The following SLC6A5 variants were observed in gnomAD, a reference collection of about 807,000 sequenced individuals.
SLC6A5 encodes solute carrier family 6 member 5.
SLC6A5 carries 58 observed loss-of-function variants against 90.5 expected under a neutral mutation model. The observed-to-expected ratio is 0.64, with a 90% CI of 0.52 to 0.80. The LOEUF is 0.80. Among genes scored for constraint, SLC6A5 ranks in the 30% least tolerant of loss-of-function variants. The pLI is 0.00. For synonymous variants in SLC6A5, 427 were observed against 401.4 expected, an observed-to-expected ratio of 1.06 and a Z score of -0.76; for missense variants, 1,015 against 1,017.6, an observed-to-expected ratio of 1.00 and a Z score of 0.03.
rs1234424368 is a variant in SLC6A5 at position 20,655,996 on chromosome 11, T to C, written c.*1128T>C. 1 of 152,228 alleles carries C rather than the reference T, an allele frequency of 6.6e-6. No individual in the cohort carries two copies. The highest frequency in any genetic ancestry group is 1.5e-5 in the Non-Finnish European group (1 of 68,034). 9.4% of individuals were successfully genotyped at this position (152,228 alleles called of 1,614,324 possible). On this transcript the variant is annotated 3_prime_UTR_variant, in exon 16 of 16. Transcript: ENST00000525748. ...ACATGGTATTTATAGAACTTTCTGATAAATACAGCTTAGGTAAGTAGCGAG... is the reference window on the plus strand; with the variant it reads ...ACATGGTATTTATAGAACTTTCTGACAAATACAGCTTAGGTAAGTAGCGAG...
intron 13 of SLC6A5, among the ~76,000 whole-genome samples, chr11:20,644,807 T>G (rs1853379475): frequency 1.3e-5 from 2 of 151,816 alleles, no homozygotes; most frequent in African/African-American, 4.8e-5. Flanking sequence ...ATTTTTTTCT[T>G]TTTCTTTTTC....
At chr11:20,649,380 T>G (rs1486537489) in intron 14 of SLC6A5, among the ~76,000 whole-genome samples, 1 of 152,144 alleles carries the variant, frequency 6.6e-6, no homozygotes, top group African/African-American at 2.4e-5. Context: ...AAGGTCAGGG[T>G]GTACCTGACT....
intron 7 of SLC6A5, among the ~76,000 whole-genome samples, chr11:20,620,888 C>T (rs1852875966): frequency 6.6e-6 from 1 of 152,078 alleles, no homozygotes; most frequent in Admixed American, 6.6e-5. Context: ...CAACCTCCAC[C>T]TCCTGGGTTC....
Position 20,655,083 on chromosome 11 carries a change from C to CAGTGACCAGAA in SLC6A5, c.*216_*217insGTGACCAGAAA. On this transcript the variant is annotated 3_prime_UTR_variant, in exon 16 of 16. Transcript: ENST00000525748. ...ACCTGAAGCGCTGTTTGCCTGTGCC[C>CAGTGACCAGAA]ATGGTGACTGTTTCTGGTCAGGTTG... The CAGTGACCAGAA allele has an allele frequency of 1.7e-6, 1 of 583,680 alleles. No homozygotes were observed. Among genetic ancestry groups the CAGTGACCAGAA allele is most frequent in the Non-Finnish European group, 3.1e-6 (1 of 317,852 alleles). 36.2% of individuals were successfully genotyped at this position (583,680 alleles called of 1,614,324 possible).
Position 20,658,671 on chromosome 11 carries a change from G to T in SLC6A5, c.*3803G>T, listed in dbSNP as rs1300208249. 1 of 152,176 alleles carries T rather than the reference G, an allele frequency of 6.6e-6. No individual in the cohort carries two copies. The highest frequency in any genetic ancestry group is 1.5e-5 in the Non-Finnish European group (1 of 68,032). The allele number at this position is 152,176 out of a possible 1,614,324, so 9.4% of individuals were successfully genotyped here. On this transcript the variant is annotated 3_prime_UTR_variant, in exon 16 of 16. Transcript: ENST00000525748. ...TGGTCTTTGCTCAGGTCACCTCTGA[G>T]CAGCCTGCAGCCAAAGAGAAAGTGT...
Position 20,602,708 on chromosome 11 carries a change from CAT to C in SLC6A5, c.540+1045_540+1046del, listed in dbSNP as rs1334082223. Among the ~76,000 whole-genome samples, 15 of 132,360 alleles carry C rather than the reference CAT, an allele frequency of 1.1e-4. No individual in the cohort carries two copies. In the East Asian group the frequency reaches 3.9e-3, roughly 34 times the overall value. 86.8% of individuals were successfully genotyped at this position (132,360 alleles called of 152,430 possible). ...TAGTGTTTGCACACACACACACACA[CAT>C]ACACATTCACACTTATCCACAGGCC... On this transcript the variant is annotated intron_variant, in intron 2 of 15. Coordinates refer to ENST00000525748, the MANE Select transcript of SLC6A5 (RefSeq NM_004211.5).
In SLC6A5 at chr11:20,631,373, C is replaced by T. The variant is rs142309114; in HGVS notation, c.1624+558C>T. ...TCCCCAGTGGGTAGAAATGTTGGAT[C>T]GTGCTGGGTGGGTGGAGAGGCATGT... is the stretch of plus-strand genomic sequence containing the variant. On this transcript the variant is annotated intron_variant, in intron 10 of 15. Transcript: ENST00000525748. 4.3e-3 allele frequency among the ~76,000 whole-genome samples: 656 copies of T among 152,280 alleles called. 7 individuals are homozygous for T. Among genetic ancestry groups the T allele is most frequent in the Middle Eastern group, 0.014 (4 of 294 alleles).
At chr11:20,617,697 A>C in intron 6 of SLC6A5, 55 bp from the exon 7 acceptor site, 2 of 1,529,850 alleles carry the variant, frequency 1.3e-6, no homozygotes, top group Non-Finnish European at 1.8e-6. Context: ...ACTGCCTGTC[A>C]CCTCCCTCTC....
In SLC6A5 at chr11:20,606,937, C is replaced by T. The variant is rs886535914; in HGVS notation, c.680-70C>T. ...TTTGAGAGGGAGCTCAGCCCCTAGC[C>T]CAGAGGGTTAAGGAGGGCAGCAGCC... On this transcript the variant is annotated intron_variant, in intron 3 of 15. Transcript: ENST00000525748. 17 of 1,605,760 alleles carry T rather than the reference C, an allele frequency of 1.1e-5. No homozygotes were observed. The African/African-American group carries it at 2.0e-4, about 19-fold the overall frequency.
Position 20,638,065 on chromosome 11 carries a change from C to T in SLC6A5, c.1870-394C>T, listed in dbSNP as rs117963119. Among the ~76,000 whole-genome samples the T allele has an allele frequency of 3.6e-4, 55 of 152,190 alleles. 1 individual carries two copies. The East Asian group carries it at 4.2e-3, about 12-fold the overall frequency. On this transcript the variant is annotated intron_variant, in intron 12 of 15. Transcript: ENST00000525748. ...GGTGTGTGAGAAATACCCAGAGACA[C>T]CTAAAGGTCATCGGAGGGTCAATCG...
At position 20,626,842 on chromosome 11, in the gene SLC6A5, G is replaced by C; in HGVS notation, c.1395G>C (p.Thr465=). 1 of 1,613,708 alleles carries C rather than the reference G, an allele frequency of 6.2e-7. No individual in the cohort carries two copies. Among genetic ancestry groups the C allele is most frequent in the Non-Finnish European group, 8.5e-7 (1 of 1,179,638 alleles). ...AGTGGGAGAAACTCACGGATGCCAC[G>C]GTGGGCTTCTAATTTTATCTATAAC... ...TPKWEKLTDA[T]VWKDAATQIF... is the part of the protein sequence containing the mutation. Residue 465 remains threonine (T), a splice_region_variant and synonymous_variant, in exon 8 of 16, where the codon ACG becomes ACC. Coordinates refer to ENST00000525748, the MANE Select transcript of SLC6A5 (RefSeq NM_004211.5).
At chr11:20,610,081 T>C (rs1191956709) in intron 5 of SLC6A5, among the ~76,000 whole-genome samples, 1 of 152,242 alleles carries the variant, frequency 6.6e-6, no homozygotes, top group South Asian at 2.1e-4. Flanking sequence ...AACTTTTAAT[T>C]AAATGATTCC....
At chr11:20,621,413 T>C (rs2133792260) in intron 7 of SLC6A5, among the ~76,000 whole-genome samples, 1 of 152,356 alleles carries the variant, frequency 6.6e-6, no homozygotes, top group East Asian at 1.9e-4. Context: ...TTTCCACTGA[T>C]TTAGAATCTA....
At chr11:20,647,981 G>A (rs1044540242) in intron 14 of SLC6A5, among the ~76,000 whole-genome samples, 3 of 152,112 alleles carry the variant, frequency 2.0e-5, no homozygotes, top group Non-Finnish European at 4.4e-5. Context: ...CAGAAAATCT[G>A]CAGTTCAGGG....
Position 20,599,661 on chromosome 11 carries a change from C to CA in SLC6A5, c.-12_-11insA. 1.2e-6 allele frequency: 2 copies of CA among 1,614,070 alleles called. No homozygotes were observed. The highest frequency in any genetic ancestry group is 1.6e-4 in the Middle Eastern group (1 of 6,062). ...CACCCTCCACCAGTTCAGTCTGTTG[C>CA]CTGTGTCAGACATGGTGAGTGTTTG... On this transcript the variant is annotated 5_prime_UTR_variant, in exon 1 of 16. Transcript: ENST00000525748.
At chr11:20,638,969 A>G (rs1467452997) in intron 13 of SLC6A5, among the ~76,000 whole-genome samples, 1 of 152,130 alleles carries the variant, frequency 6.6e-6, no homozygotes, top group Non-Finnish European at 1.5e-5. Context: ...GTCCCTGGGT[A>G]CTGTAGTGAG....
rs756595668 is a variant in SLC6A5, at chr11:20,604,418, G to A, written c.673G>A (p.Gly225Arg). ...GTTTCCCTACCTGGCCTTCCAGAAC[G>A]GGGGAGGTATGGCTTTTCCGCTCTT... is the stretch of plus-strand genomic sequence containing the variant. ...WRFPYLAFQN[G>R]GGAFLIPYLM... is the part of the protein sequence containing the mutation. The change falls in exon 3 of 16, where the codon GGG becomes AGG. Residue 225 changes from glycine (G) to arginine (R), a missense_variant. Physicochemically the swap from Gly to Arg is moderately radical, Grantham distance 125. This residue lies in a region of SLC6A5 where 567 missense variants were observed against 507.3 expected (regional missense o/e 1.12). Transcript: ENST00000525748. The A allele has an allele frequency of 2.5e-6, 4 of 1,613,710 alleles. No individual in the cohort carries two copies. The African/African-American group carries it at 4.0e-5, about 16-fold the overall frequency.
At chr11:20,637,079 A>G in intron 11 of SLC6A5, 93 bp from the exon 12 acceptor site, 1 of 1,357,882 alleles carries the variant, frequency 7.4e-7, no homozygotes, top group Non-Finnish European at 1.1e-6. Flanking sequence ...TAACACAAAT[A>G]CAACTTTCCT....
At chr11:20,638,438 G>C (rs1325056941) in intron 12 of SLC6A5, 21 bp from the exon 13 acceptor site, 6 of 1,481,682 alleles carry the variant, frequency 4.0e-6, no homozygotes, top group Non-Finnish European at 5.7e-6. Context: ...TTTGATATTG[G>C]TTGTTTCTCT....
Sources: allele counts gnomAD v4.1 joint callset (sites outside exome capture counted in the v4.1 genomes callset), GRCh38; gene constraint gnomAD v4.1.1; regional missense constraint gnomAD v4.1.1; transcripts MANE v1.5; gene names NCBI Gene and HGNC (gene_info 2026-07-23, HGNC 2026-07-21).